SLC35F4: variants seen among roughly 807,000 people sequenced by gnomAD.
SLC35F4 encodes the protein chromosome 14 open reading frame 36.
In SLC35F4, 24 loss-of-function variants were observed where a neutral mutation model predicts 44.2. That is an observed-to-expected ratio of 0.54 (90% CI 0.39 to 0.76). The LOEUF (loss-of-function observed/expected upper bound fraction) is 0.76. Among genes scored for constraint, SLC35F4 ranks in the 30% least tolerant of loss-of-function variants. The pLI, the probability that SLC35F4 is intolerant of heterozygous loss-of-function variation, is 0.00. For missense variants in SLC35F4, 562 were observed against 586.1 expected (o/e 0.96, Z 0.42); for synonymous variants, 238 against 223.6 (o/e 1.06, Z -0.57).
At chr14:57,619,878 G>C (rs571548633) in intron 1 of SLC35F4, among the ~76,000 whole-genome samples, 9 of 152,114 alleles carry the variant, frequency 5.9e-5, no homozygotes, top group African/African-American at 2.2e-4. Flanking sequence ...AACACAGCAC[G>C]AGAATTTCGT....
chr14:57,752,900 A>G (rs1250608839), intron 1 of SLC35F4, among the ~76,000 whole-genome samples: 1 of 152,162 alleles, frequency 6.6e-6, no homozygotes, highest in African/African-American at 2.4e-5. Flanking sequence ...GAAGCAGGAG[A>G]GTAGGTGTGT....
At chr14:57,909,535 T>C (rs1168971834) in intron 1 of SLC35F4, among the ~76,000 whole-genome samples, 3 of 112,124 alleles carry the variant, frequency 2.7e-5, no homozygotes, top group Non-Finnish European at 5.3e-5. Context: ...GTCATACAGT[T>C]GGAAATACAC....
chr14:57,782,927 G>A (rs183562930), intron 1 of SLC35F4, among the ~76,000 whole-genome samples: 82 of 152,240 alleles, frequency 5.4e-4, no homozygotes, highest in Admixed American at 2.6e-3. Flanking sequence ...GAAGTCTGCA[G>A]CTGTGGTTGC....
chr14:57,776,665 CAA>C (rs57272978), intron 1 of SLC35F4, among the ~76,000 whole-genome samples: 2,078 of 71,932 alleles, frequency 0.029, 15 homozygotes, highest in African/African-American at 0.052. Flanking sequence ...GACTCCATCT[CAA>C]AAAAAAAAAA....
chr14:57,896,271 T>C (rs1434661075), intron 1 of SLC35F4, among the ~76,000 whole-genome samples: 1 of 150,938 alleles, frequency 6.6e-6, no homozygotes, highest in African/African-American at 2.4e-5. Flanking sequence ...AACTACACAA[T>C]AGTGAAAAAG....
At chr14:57,762,344 A>T (rs1385547831) in intron 1 of SLC35F4, among the ~76,000 whole-genome samples, 1 of 152,228 alleles carries the variant, frequency 6.6e-6, no homozygotes, top group East Asian at 1.9e-4. Flanking sequence ...ATTGTACAAG[A>T]CTTGGACAAG....
chr14:57,752,274 C>T (rs905352181), intron 1 of SLC35F4, among the ~76,000 whole-genome samples: 1 of 152,102 alleles, frequency 6.6e-6, no homozygotes, highest in Non-Finnish European at 1.5e-5. Flanking sequence ...TAAGAGTTCA[C>T]TTGACTAAAG....
intron 1 of SLC35F4, among the ~76,000 whole-genome samples, chr14:57,964,684 G>A (rs565186692): frequency 2.0e-5 from 3 of 151,992 alleles, no homozygotes; most frequent in African/African-American, 7.2e-5. Flanking sequence ...TCCTCATGTT[G>A]GTGCAGAAAC....
chr14:57,593,485 A>G (rs1401970734), intron 2 of SLC35F4, among the ~76,000 whole-genome samples: 2 of 152,208 alleles, frequency 1.3e-5, no homozygotes, highest in Non-Finnish European at 2.9e-5. Context: ...TGCAGAAAGT[A>G]TGAAACTGGG....
At chr14:57,806,183 T>C (rs1881294471) in intron 1 of SLC35F4, among the ~76,000 whole-genome samples, 1 of 152,194 alleles carries the variant, frequency 6.6e-6, no homozygotes, top group Non-Finnish European at 1.5e-5. Context: ...AGCAAATTAA[T>C]ATTGCAATAG....
At chr14:57,748,455 C>A (rs2076810365) in intron 1 of SLC35F4, among the ~76,000 whole-genome samples, 1 of 152,020 alleles carries the variant, frequency 6.6e-6, no homozygotes, top group African/African-American at 2.4e-5. Context: ...GATTCAGGAA[C>A]CACCTGCATC....
intron 1 of SLC35F4, among the ~76,000 whole-genome samples, chr14:57,656,305 C>G (rs1214146112): frequency 6.6e-6 from 1 of 151,126 alleles, no homozygotes; most frequent in Admixed American, 6.6e-5. Context: ...CCCCACACCC[C>G]CCACACACAC....
Position 57,723,542 on chromosome 14 carries a change from A to G in SLC35F4, c.104-129418T>C, listed in dbSNP as rs555678835. ...TAGGCTTAACCAAGTGGTGACTCCAATTGCAGCTGCTGTACCAGATGTGGT... is the reference window on the plus strand; with the variant it reads ...TAGGCTTAACCAAGTGGTGACTCCAGTTGCAGCTGCTGTACCAGATGTGGT... On this transcript the variant is annotated intron_variant, in intron 1 of 7. Transcript: ENST00000556826. Among the ~76,000 whole-genome samples the G allele has an allele frequency of 1.3e-3, 195 of 152,338 alleles. 2 individuals are homozygous for G. In the Middle Eastern group the frequency reaches 0.027, roughly 21 times the overall value.
intron 5 of SLC35F4, among the ~76,000 whole-genome samples, chr14:57,570,263 G>A (rs1372882913): frequency 6.6e-6 from 1 of 152,202 alleles, no homozygotes; most frequent in African/African-American, 2.4e-5. Context: ...TGGGTATTGG[G>A]TGAATGATAA....
intron 1 of SLC35F4, among the ~76,000 whole-genome samples, chr14:57,844,439 T>C (rs1285922503): frequency 6.6e-6 from 1 of 152,198 alleles, no homozygotes; most frequent in Non-Finnish European, 1.5e-5. Flanking sequence ...AGGGTCAGCA[T>C]TCCAATGATT....
intron 1 of SLC35F4, among the ~76,000 whole-genome samples, chr14:57,955,141 C>T (rs8010535): frequency 0.34 from 51,624 of 151,838 alleles, 9,393 homozygotes; most frequent in East Asian, 0.69. Context: ...GTACAACATA[C>T]GGAAATCAAC....
chr14:57,648,907 T>C (rs1205558213), intron 1 of SLC35F4, among the ~76,000 whole-genome samples: 1 of 152,212 alleles, frequency 6.6e-6, no homozygotes, highest in African/African-American at 2.4e-5. Flanking sequence ...ACTGTATTTC[T>C]ATTTACTAAA....
intron 1 of SLC35F4, among the ~76,000 whole-genome samples, chr14:57,751,618 G>C (rs985080662): frequency 2.6e-5 from 4 of 152,030 alleles, no homozygotes; most frequent in African/African-American, 9.7e-5. Context: ...TTTTACTTTG[G>C]TTAATATTTG....
intron 1 of SLC35F4, among the ~76,000 whole-genome samples, chr14:57,748,337 T>G (rs994179290): frequency 2.0e-5 from 3 of 152,142 alleles, no homozygotes; most frequent in African/African-American, 7.2e-5. Flanking sequence ...TTTTATCACA[T>G]GTATAGGTTC....
Sources: gnomAD v4.1 joint callset for allele counts (sites outside exome capture counted in the v4.1 genomes callset) on GRCh38, gnomAD v4.1.1 for gene constraint, MANE v1.5 for transcripts, NCBI Gene and HGNC (gene_info 2026-07-23, HGNC 2026-07-21) for gene names.